Variants in NRG3 observed in about 807,000 individuals in gnomAD.
The protein encoded by NRG3 is pro-neuregulin-3, membrane-bound isoform.
NRG3 carries 31 observed loss-of-function variants against 66.9 expected under a neutral mutation model. The ratio of observed to expected loss-of-function variants is 0.46; its 90% confidence interval spans 0.35 to 0.63. The LOEUF is 0.63. Among genes scored for constraint, NRG3 ranks in the 20% least tolerant of loss-of-function variants. The pLI is 0.00. For synonymous variants in NRG3, 393 were observed against 359.4 expected, an observed-to-expected ratio of 1.09 and a Z score of -1.06; for missense variants, 910 against 878.9, an observed-to-expected ratio of 1.04 and a Z score of -0.45.
chr10:81,944,773 C>T (rs910020803), intron 1 of NRG3, among the ~76,000 whole-genome samples: 4 of 152,094 alleles, frequency 2.6e-5, no homozygotes, highest in African/African-American at 7.2e-5. Context: ...ATCCTGAGCT[C>T]TAAGTCACAG....
intron 1 of NRG3, among the ~76,000 whole-genome samples, chr10:81,934,148 G>T (rs1847645634): frequency 6.6e-6 from 1 of 152,154 alleles, no homozygotes; most frequent in African/African-American, 2.4e-5. Context: ...TAATAACCAG[G>T]TTCAATGACA....
intron 1 of NRG3, among the ~76,000 whole-genome samples, chr10:82,018,411 G>A (rs538958885): frequency 6.6e-5 from 10 of 152,108 alleles, no homozygotes; most frequent in East Asian, 5.8e-4. Flanking sequence ...TTGACTTGGC[G>A]ATGCGTGCTC....
chr10:82,453,988 T>C (rs1005423209), intron 2 of NRG3, among the ~76,000 whole-genome samples: 1 of 152,198 alleles, frequency 6.6e-6, no homozygotes, highest in African/African-American at 2.4e-5. Context: ...CTCAGGACTG[T>C]CTGAATCCAA....
At chr10:82,203,503 C>G (rs188815129) in intron 1 of NRG3, among the ~76,000 whole-genome samples, 112 of 152,282 alleles carry the variant, frequency 7.4e-4, no homozygotes, top group African/African-American at 2.6e-3. Flanking sequence ...AGGCTTCTCT[C>G]AGTAGCATTG....
Position 81,875,913 on chromosome 10 carries a change from G to A in NRG3, c.573G>A (p.Ala191=). 2 of 1,613,058 alleles carry A rather than the reference G, an allele frequency of 1.2e-6. No individual in the cohort carries two copies. Among genetic ancestry groups the A allele is most frequent in the Non-Finnish European group, 1.7e-6 (2 of 1,179,990 alleles). The change falls in exon 1 of 9, where the codon GCG becomes GCA. Residue 191 remains alanine, a synonymous_variant. Coordinates refer to ENST00000372141, the MANE Select transcript of NRG3 (RefSeq NM_001010848.4). This position sits in a 1 kb window ranked among gnomAD's most constrained non-coding sequence, Gnocchi z 5.3. ...CAGCACGGAACACTGCGGCCCCTGC[G>A]ACGGTCCCGTCCACCACGGCCCCGT... ...STTARNTAAP[A]TVPSTTAPFF... is the part of the protein sequence containing the mutation.
intron 1 of NRG3, among the ~76,000 whole-genome samples, chr10:82,140,144 CTG>C (rs2069661852): frequency 6.6e-6 from 1 of 152,128 alleles, no homozygotes; most frequent in South Asian, 2.1e-4. Context: ...TATATTTTAA[CTG>C]TTAATAGTCA....
At chr10:82,326,739 C>G (rs1157451869) in intron 1 of NRG3, among the ~76,000 whole-genome samples, 1 of 152,120 alleles carries the variant, frequency 6.6e-6, no homozygotes, top group Non-Finnish European at 1.5e-5. Context: ...TTCCATTTCT[C>G]AAGAATCACT....
rs150276329 is a variant in NRG3 at position 82,408,603 on chromosome 10, A to G, written c.953+49735A>G. On this transcript the variant is annotated intron_variant, in intron 2 of 8. Transcript: ENST00000372141. ...GAACATGTTGACTTTTCTCAAGGAAAATGACAAAACTATACATTTCATATA... is the reference window on the plus strand; with the variant it reads ...GAACATGTTGACTTTTCTCAAGGAAGATGACAAAACTATACATTTCATATA... 3.3e-3 allele frequency among the ~76,000 whole-genome samples: 488 copies of G among 148,490 alleles called. 18 individuals carry two copies. In the East Asian group the frequency reaches 0.075, roughly 23 times the overall value.
At chr10:82,695,263 A>G (rs1033510432) in intron 2 of NRG3, among the ~76,000 whole-genome samples, 2 of 152,150 alleles carry the variant, frequency 1.3e-5, no homozygotes, top group Admixed American at 1.3e-4. Flanking sequence ...TTAATGTCCC[A>G]TCTAATTCTT....
At chr10:82,270,839 A>G (rs1160926526) in intron 1 of NRG3, among the ~76,000 whole-genome samples, 1 of 152,118 alleles carries the variant, frequency 6.6e-6, no homozygotes, top group African/African-American at 2.4e-5. Context: ...CTCTTACGCC[A>G]TGGAGTACAT....
At chr10:82,132,507 T>TATATATATATATA (rs1564593732) in intron 1 of NRG3, among the ~76,000 whole-genome samples, 1 of 59,122 alleles carries the variant, frequency 1.7e-5, no homozygotes, top group Non-Finnish European at 2.9e-5. Flanking sequence ...ATATATATCA[T>TATATATATATATA]ATATATATGA....
intron 1 of NRG3, among the ~76,000 whole-genome samples, chr10:81,998,695 C>A (rs1433741045): frequency 6.6e-6 from 1 of 152,200 alleles, no homozygotes; most frequent in Non-Finnish European, 1.5e-5. Flanking sequence ...TGTTAATCAT[C>A]TCCTCTATGC....
chr10:82,459,348 G>A (rs890186504), intron 2 of NRG3, among the ~76,000 whole-genome samples: 1 of 152,178 alleles, frequency 6.6e-6, no homozygotes, highest in Admixed American at 6.5e-5. Context: ...TACCACCATT[G>A]TTAGTGTTAT....
At position 81,993,060 on chromosome 10, in the gene NRG3, AACG is replaced by A. The variant is rs959364978; in HGVS notation, c.823+116899_823+116901del. Among the ~76,000 whole-genome samples, 64 of 152,278 alleles carry A rather than the reference AACG, an allele frequency of 4.2e-4. 1 individual carries two copies. Among genetic ancestry groups the A allele is most frequent in the African/African-American group, 1.5e-3 (63 of 41,552 alleles). On this transcript the variant is annotated intron_variant, in intron 1 of 8. Coordinates refer to ENST00000372141, the MANE Select transcript of NRG3 (RefSeq NM_001010848.4). ...TTGGGAAATGTCATGTTACTATTTG[AACG>A]ATAAGAAGTTATCTCTTCATTTAGA... is the stretch of plus-strand genomic sequence containing the variant.
intron 1 of NRG3, among the ~76,000 whole-genome samples, chr10:81,946,206 G>A (rs777371675): frequency 6.6e-6 from 1 of 152,024 alleles, no homozygotes; most frequent in Non-Finnish European, 1.5e-5. Flanking sequence ...TAGTAGAGAC[G>A]AGGTTTGACC....
chr10:82,519,045 A>T (rs2132521796), intron 2 of NRG3, among the ~76,000 whole-genome samples: 1 of 152,332 alleles, frequency 6.6e-6, no homozygotes, highest in South Asian at 2.1e-4. Context: ...GTGATCTCAA[A>T]GACTTTCATA....
intron 2 of NRG3, among the ~76,000 whole-genome samples, chr10:82,428,346 C>T (rs1408855471): frequency 6.7e-6 from 1 of 150,250 alleles, no homozygotes; most frequent in Non-Finnish European, 1.5e-5. Flanking sequence ...TTACTAAGCA[C>T]AGCAATAGCT....
At chr10:82,417,206 T>G (rs1349190226) in intron 2 of NRG3, among the ~76,000 whole-genome samples, 1 of 152,176 alleles carries the variant, frequency 6.6e-6, no homozygotes, top group East Asian at 1.9e-4. Flanking sequence ...TTTCTGGTTC[T>G]CTGAAAATAT....
intron 1 of NRG3, among the ~76,000 whole-genome samples, chr10:82,013,092 C>T (rs540284608): frequency 4.6e-5 from 7 of 152,168 alleles, no homozygotes; most frequent in Admixed American, 2.0e-4. Flanking sequence ...AAGACTTAAC[C>T]AAGACTGGGT....
Sources: allele counts gnomAD v4.1 joint callset (sites outside exome capture counted in the v4.1 genomes callset), GRCh38; gene constraint gnomAD v4.1.1; non-coding constraint Gnocchi (gnomAD v3.1); transcripts MANE v1.5; gene names NCBI Gene and HGNC (gene_info 2026-07-23, HGNC 2026-07-21).